Variants in SLC14A2 observed in about 807,000 individuals in gnomAD.
SLC14A2 encodes the protein urea transporter 2.
Under a neutral mutation model 104.6 loss-of-function variants are expected in SLC14A2, and 91 were observed. That is an observed-to-expected ratio of 0.87 (90% CI 0.73 to 1.04). The LOEUF is 1.04. Ranked by LOEUF, SLC14A2 falls within the 50% of genes least tolerant of loss-of-function variation. SLC14A2 has a pLI of 0.00. For synonymous variants in SLC14A2, 476 were observed against 466.4 expected, an observed-to-expected ratio of 1.02 and a Z score of -0.27; for missense variants, 1,189 against 1,156.0, an observed-to-expected ratio of 1.03 and a Z score of -0.41.
chr18:45,356,712 G>A (rs1364428443), intron 1 of SLC14A2, among the ~76,000 whole-genome samples: 2 of 152,174 alleles, frequency 1.3e-5, no homozygotes, highest in African/African-American at 4.8e-5. Context: ...CATGGCTGGC[G>A]GTTACTAGAA....
chr18:45,193,662 ATTC>A, the SLC14A2 span, among the ~76,000 whole-genome samples: 10 of 152,136 alleles, frequency 6.6e-5, no homozygotes, highest in African/African-American at 1.4e-4. Context: ...ATCTACCTTT[ATTC>A]TTCTTTTTCA....
chr18:45,306,212 G>T (rs2085019668), intron 1 of SLC14A2, among the ~76,000 whole-genome samples: 1 of 152,034 alleles, frequency 6.6e-6, no homozygotes, highest in Admixed American at 6.6e-5. Flanking sequence ...TGGGCCACTG[G>T]GTATGCAAGA....
chr18:45,449,076 T>C (rs969900423), intron 1 of SLC14A2, among the ~76,000 whole-genome samples: 4 of 152,182 alleles, frequency 2.6e-5, no homozygotes, highest in African/African-American at 9.7e-5. Flanking sequence ...TGAGAATCAC[T>C]CAAGAGTGGG....
intron 1 of SLC14A2, among the ~76,000 whole-genome samples, chr18:45,305,791 C>G (rs1332372812): frequency 6.6e-6 from 1 of 152,104 alleles, no homozygotes; most frequent in Non-Finnish European, 1.5e-5. Context: ...TCCAAATGAC[C>G]TTCAGAATTC....
intron 1 of SLC14A2, among the ~76,000 whole-genome samples, chr18:45,299,677 G>T (rs1031638256): frequency 9.2e-5 from 14 of 152,200 alleles, no homozygotes; most frequent in African/African-American, 3.1e-4. Context: ...GGCCAGGCTG[G>T]TCTTGAACTC....
At chr18:45,637,204 A>G (rs771204300) in intron 6 of SLC14A2, 22 bp downstream of exon 6, 1 of 1,599,898 alleles carries the variant, frequency 6.3e-7, no homozygotes, top group Non-Finnish European at 8.6e-7. Context: ...AGCGGTGATG[A>G]GTTGAGACCC....
At chr18:45,412,528 T>C (rs1317299938) in intron 1 of SLC14A2, among the ~76,000 whole-genome samples, 1 of 152,188 alleles carries the variant, frequency 6.6e-6, no homozygotes, top group Non-Finnish European at 1.5e-5. Flanking sequence ...TCATCACTTC[T>C]AGAGCCAGCC....
At chr18:45,621,518 T>C (rs1480715515) in intron 1 of SLC14A2, among the ~76,000 whole-genome samples, 1 of 152,050 alleles carries the variant, frequency 6.6e-6, no homozygotes, top group Non-Finnish European at 1.5e-5. Flanking sequence ...TCCACAGAGA[T>C]TTGTAAAGTT....
chr18:45,386,811 G>A (rs2085901910), intron 1 of SLC14A2, among the ~76,000 whole-genome samples: 1 of 152,202 alleles, frequency 6.6e-6, no homozygotes, highest in African/African-American at 2.4e-5. Context: ...GTAGAATTGA[G>A]ATGCTGATAG....
At chr18:45,251,172 C>T (rs2084419357) in intron 1 of SLC14A2, among the ~76,000 whole-genome samples, 1 of 152,160 alleles carries the variant, frequency 6.6e-6, no homozygotes, top group Non-Finnish European at 1.5e-5. Context: ...TTATCCCTCA[C>T]CCTCTTCCTG....
chr18:45,226,817 TAA>T (rs983404906), intron 1 of SLC14A2, among the ~76,000 whole-genome samples: 4 of 151,856 alleles, frequency 2.6e-5, no homozygotes, highest in African/African-American at 7.3e-5. Flanking sequence ...ATAATAATAA[TAA>T]AATAATAGTT....
chr18:45,480,457 A>G (rs2087470252), intron 1 of SLC14A2, among the ~76,000 whole-genome samples: 1 of 152,174 alleles, frequency 6.6e-6, no homozygotes, highest in South Asian at 2.1e-4. Flanking sequence ...CTACCTGGAT[A>G]TCAACACTAA....
chr18:45,469,116 A>G (rs1051915958), intron 1 of SLC14A2, among the ~76,000 whole-genome samples: 1 of 152,234 alleles, frequency 6.6e-6, no homozygotes, highest in Non-Finnish European at 1.5e-5. Context: ...AGCAGGAAGA[A>G]CATGAGAAAG....
intron 2 of SLC14A2, among the ~76,000 whole-genome samples, chr18:45,588,152 C>T (rs1432440846): frequency 1.3e-5 from 2 of 152,032 alleles, no homozygotes; most frequent in African/African-American, 4.8e-5. Flanking sequence ...GAATGAGGAC[C>T]TGGGCCCAAC....
intron 1 of SLC14A2, among the ~76,000 whole-genome samples, chr18:45,443,376 TC>T (rs1298106210): frequency 1.3e-5 from 2 of 152,222 alleles, no homozygotes; most frequent in Non-Finnish European, 2.9e-5. Flanking sequence ...AAAAAAGGCA[TC>T]ATCTGATGCT....
intron 1 of SLC14A2, among the ~76,000 whole-genome samples, chr18:45,617,184 A>G (rs1231953419): frequency 6.6e-6 from 1 of 152,206 alleles, no homozygotes; most frequent in African/African-American, 2.4e-5. Context: ...GCATCAAAAG[A>G]GGTCAAGTGG....
chr18:45,674,596 C>A (rs1391451934), intron 18 of SLC14A2, among the ~76,000 whole-genome samples: 2 of 151,630 alleles, frequency 1.3e-5, no homozygotes, highest in Non-Finnish European at 2.9e-5. Flanking sequence ...AAGGCCAGCA[C>A]ACTGTAGTTA....
upstream of SLC14A2, among the ~76,000 whole-genome samples, chr18:45,208,945 A>C (rs559601192): frequency 8.6e-4 from 131 of 151,726 alleles, no homozygotes; most frequent in African/African-American, 2.8e-3. Context: ...ACATTGTCAG[A>C]ACTGGCTTTG....
chr18:45,279,783 C>A (rs1246474265), intron 1 of SLC14A2, among the ~76,000 whole-genome samples: 2 of 151,926 alleles, frequency 1.3e-5, no homozygotes, highest in African/African-American at 4.8e-5. Flanking sequence ...GGCTCACATA[C>A]ATAAAAAACA....
Sources: allele counts gnomAD v4.1 joint callset (sites outside exome capture counted in the v4.1 genomes callset), GRCh38; gene constraint gnomAD v4.1.1; transcripts MANE v1.5; gene names NCBI Gene and HGNC (gene_info 2026-07-23, HGNC 2026-07-21).